Variants in SLC9A9 observed in about 807,000 individuals in gnomAD.
SLC9A9 encodes solute carrier family 9 member A9.
Under a neutral mutation model 77.8 loss-of-function variants are expected in SLC9A9, and 62 were observed. That is an observed-to-expected ratio of 0.80 (90% CI 0.65 to 0.98). The LOEUF (loss-of-function observed/expected upper bound fraction) is 0.98. Ranked by LOEUF, SLC9A9 falls within the 50% of genes least tolerant of loss-of-function variation. The pLI, the probability that SLC9A9 is intolerant of heterozygous loss-of-function variation, is 0.00. For synonymous variants in SLC9A9, 320 were observed against 283.5 expected, an observed-to-expected ratio of 1.13 and a Z score of -1.29; for missense variants, 775 against 774.9, an observed-to-expected ratio of 1.00 and a Z score of 0.00.
In SLC9A9 at chr3:143,266,416, C is replaced by T. The variant is rs537418351; in HGVS notation, c.*286G>A. The T allele has an allele frequency of 1.1e-4, 62 of 551,386 alleles. No individual in the cohort carries two copies. The highest frequency in any genetic ancestry group is 6.2e-4 in the Admixed American group (20 of 32,260). The allele number at this position is 551,386 out of a possible 1,614,324, so 34.2% of individuals were successfully genotyped here. On this transcript the variant is annotated 3_prime_UTR_variant, in exon 16 of 16. Transcript: ENST00000316549. The stretch of plus-strand genomic sequence containing the variant: ...GCCCTGAAGACCCAGCACAGCTGTC[C>T]CATCCTCCAGCAGCTAGACTCCTGA...
At chr3:143,517,511 C>A in intron 9 of SLC9A9, 1 of 1,597,656 alleles carries the variant, frequency 6.3e-7, no homozygotes, top group Non-Finnish European at 8.5e-7. Flanking sequence ...TTCACGTTTT[C>A]GCTCATACTT....
At chr3:143,796,467 A>T (rs539746275) in intron 3 of SLC9A9, among the ~76,000 whole-genome samples, 32 of 152,362 alleles carry the variant, frequency 2.1e-4, no homozygotes, top group African/African-American at 7.7e-4. Context: ...CAATCTATCC[A>T]AAATACTAAC....
At chr3:143,626,390 G>A (rs1452128369) in intron 6 of SLC9A9, among the ~76,000 whole-genome samples, 1 of 152,168 alleles carries the variant, frequency 6.6e-6, no homozygotes, top group South Asian at 2.1e-4. Flanking sequence ...TGATAGACTG[G>A]ATTAAGAAAA....
intron 5 of SLC9A9, among the ~76,000 whole-genome samples, chr3:143,671,643 C>T (rs2039155671): frequency 6.6e-6 from 1 of 152,308 alleles, no homozygotes; most frequent in Middle Eastern, 3.4e-3. Flanking sequence ...GTTTTACAGA[C>T]ATAGGTTTAT....
chr3:143,307,578 C>T (rs2108434202), intron 14 of SLC9A9, among the ~76,000 whole-genome samples: 1 of 152,326 alleles, frequency 6.6e-6, no homozygotes, highest in South Asian at 2.1e-4. Context: ...TTGCTTTCTG[C>T]TGTTGTCTGT....
chr3:143,755,304 T>C (rs2006886485), intron 4 of SLC9A9, among the ~76,000 whole-genome samples: 1 of 152,168 alleles, frequency 6.6e-6, no homozygotes. Flanking sequence ...CATATTTGGA[T>C]CTACACTGGT....
intron 9 of SLC9A9, chr3:143,504,111 G>C: frequency 2.1e-6 from 1 of 486,560 alleles, no homozygotes; most frequent in Non-Finnish European, 4.1e-6. Context: ...TGTGGAACTT[G>C]CCATGGGTGG....
intron 11 of SLC9A9, among the ~76,000 whole-genome samples, chr3:143,471,160 C>A (rs139176224): frequency 6.6e-6 from 1 of 152,156 alleles, no homozygotes; most frequent in Non-Finnish European, 1.5e-5. Flanking sequence ...ACATGTGGCA[C>A]GCACGGCACT....
At chr3:143,558,233 C>T (rs1444142939) in intron 8 of SLC9A9, among the ~76,000 whole-genome samples, 1 of 152,226 alleles carries the variant, frequency 6.6e-6, no homozygotes, top group African/African-American at 2.4e-5. Context: ...AAGTTTGCTA[C>T]AGCAGTGGAG....
chr3:143,465,013 T>C (rs763890610), intron 12 of SLC9A9, among the ~76,000 whole-genome samples: 2 of 152,216 alleles, frequency 1.3e-5, no homozygotes, highest in Non-Finnish European at 2.9e-5. Flanking sequence ...ACTTGCTCAC[T>C]AGACTGGAAC....
intron 6 of SLC9A9, among the ~76,000 whole-genome samples, chr3:143,597,340 GAGAA>G (rs2037772133): frequency 6.6e-6 from 1 of 152,206 alleles, no homozygotes; most frequent in Non-Finnish European, 1.5e-5. Context: ...CTGGCGTCCA[GAGAA>G]AGAGAGAGCC....
chr3:143,693,918 A>G (rs934333089), intron 4 of SLC9A9, among the ~76,000 whole-genome samples: 1 of 152,172 alleles, frequency 6.6e-6, no homozygotes, highest in Admixed American at 6.6e-5. Flanking sequence ...CGATCTTTCA[A>G]GGAAAGATTA....
intron 5 of SLC9A9, among the ~76,000 whole-genome samples, chr3:143,688,942 A>AT (rs201322930): frequency 1.3e-5 from 2 of 151,052 alleles, no homozygotes; most frequent in African/African-American, 2.4e-5. Flanking sequence ...AAATAGAAAA[A>AT]ATATATATAT....
intron 4 of SLC9A9, among the ~76,000 whole-genome samples, chr3:143,724,986 C>T (rs946903973): frequency 6.6e-6 from 1 of 152,188 alleles, no homozygotes; most frequent in Non-Finnish European, 1.5e-5. Context: ...CTAGGCTTCA[C>T]GTGGCTTGGT....
intron 4 of SLC9A9, among the ~76,000 whole-genome samples, chr3:143,764,998 C>CCTTT (rs201502449): frequency 2.9e-4 from 37 of 128,404 alleles, no homozygotes; most frequent in Middle Eastern, 3.8e-3. Context: ...TTCCTTCCTT[C>CCTTT]CTTTCTTTCT....
chr3:143,624,960 T>C (rs2038291785), intron 6 of SLC9A9, among the ~76,000 whole-genome samples: 1 of 152,176 alleles, frequency 6.6e-6, no homozygotes, highest in Admixed American at 6.5e-5. Flanking sequence ...AGCATTCTTA[T>C]ACACCAATAA....
At chr3:143,369,766 T>C (rs1385975397) in intron 13 of SLC9A9, among the ~76,000 whole-genome samples, 1 of 152,170 alleles carries the variant, frequency 6.6e-6, no homozygotes, top group Non-Finnish European at 1.5e-5. Context: ...GCAGAAATGA[T>C]GGTGTGTCAT....
intron 5 of SLC9A9, among the ~76,000 whole-genome samples, chr3:143,690,679 T>G (rs1933435296): frequency 1.3e-5 from 2 of 152,168 alleles, no homozygotes; most frequent in African/African-American, 4.8e-5. Flanking sequence ...ATCATCTATG[T>G]AAAAATCCAT....
chr3:143,503,555 T>C (rs1329493212), intron 9 of SLC9A9: 8 of 409,580 alleles, frequency 2.0e-5, no homozygotes, highest in Non-Finnish European at 3.8e-5. Flanking sequence ...GGTCTGTGAC[T>C]GATGTTGGCA....
Sources: allele counts gnomAD v4.1 joint callset (sites outside exome capture counted in the v4.1 genomes callset), GRCh38; gene constraint gnomAD v4.1.1; transcripts MANE v1.5; gene names NCBI Gene and HGNC (gene_info 2026-07-23, HGNC 2026-07-21).